Variants in KIAA0825 observed in about 807,000 individuals in gnomAD.
KIAA0825 encodes the protein uncharacterized protein KIAA0825.
KIAA0825 carries 119 observed loss-of-function variants against 147.6 expected under a neutral mutation model. The observed-to-expected ratio is 0.81, with a 90% CI of 0.69 to 0.94. The LOEUF is 0.94. Among genes scored for constraint, KIAA0825 ranks in the 40% least tolerant of loss-of-function variants. The pLI is 0.00. For missense variants in KIAA0825, 1,381 were observed against 1,472.7 expected, an observed-to-expected ratio of 0.94 and a Z score of 1.02; for synonymous variants, 470 against 518.1, an observed-to-expected ratio of 0.91 and a Z score of 1.26.
chr5:94,447,071 G>A (rs1224849680), intron 13 of KIAA0825, among the ~76,000 whole-genome samples: 1 of 152,092 alleles, frequency 6.6e-6, no homozygotes, highest in Non-Finnish European at 1.5e-5. Flanking sequence ...AGCTGAGATA[G>A]GGAATAGTAG....
intron 5 of KIAA0825, among the ~76,000 whole-genome samples, chr5:94,487,270 A>AT (rs562411017): frequency 6.6e-6 from 1 of 152,134 alleles, no homozygotes. Flanking sequence ...AAATCTAATC[A>AT]TTTTTTTGTC....
intron 15 of KIAA0825, among the ~76,000 whole-genome samples, 168 bp from the exon 16 acceptor site, chr5:94,403,961 A>T: frequency 6.7e-6 from 1 of 149,666 alleles, no homozygotes; most frequent in South Asian, 2.2e-4. Context: ...AACATTTTTT[A>T]AAAAGATTCT....
At chr5:94,245,518 C>G (rs1275638842) in intron 20 of KIAA0825, among the ~76,000 whole-genome samples, 2 of 152,140 alleles carry the variant, frequency 1.3e-5, no homozygotes, top group Non-Finnish European at 2.9e-5. Context: ...CTCCTCTTTA[C>G]CCCTTTCTCC....
chr5:94,280,526 A>G (rs1777410468), intron 20 of KIAA0825, among the ~76,000 whole-genome samples: 1 of 152,024 alleles, frequency 6.6e-6, no homozygotes, highest in Non-Finnish European at 1.5e-5. Flanking sequence ...TGTTATATTC[A>G]TTGTTACAGC....
intron 2 of KIAA0825, among the ~76,000 whole-genome samples, chr5:94,578,035 T>C (rs536636269): frequency 6.6e-6 from 1 of 152,250 alleles, no homozygotes; most frequent in Non-Finnish European, 1.5e-5. Context: ...AGGAAGACAG[T>C]TTTCAGAAAA....
At chr5:94,589,807 A>T (rs1277139132) in intron 1 of KIAA0825, among the ~76,000 whole-genome samples, 4 of 150,696 alleles carry the variant, frequency 2.7e-5, no homozygotes, top group African/African-American at 9.8e-5. Context: ...TTATTTCTTT[A>T]TTTCCAAAAT....
At chr5:94,232,434 T>C (rs1774767714) in intron 20 of KIAA0825, among the ~76,000 whole-genome samples, 2 of 152,266 alleles carry the variant, frequency 1.3e-5, no homozygotes, top group South Asian at 4.1e-4. Flanking sequence ...TGGAGAATTC[T>C]TGTGGAACTT....
chr5:94,460,517 G>C (rs1170443065), intron 12 of KIAA0825, among the ~76,000 whole-genome samples: 24 of 152,086 alleles, frequency 1.6e-4, no homozygotes, highest in Non-Finnish European at 5.9e-5. Flanking sequence ...ATATCACATA[G>C]AGTGACAAAT....
At chr5:94,233,491 A>C (rs1472221117) in intron 20 of KIAA0825, among the ~76,000 whole-genome samples, 2 of 152,310 alleles carry the variant, frequency 1.3e-5, no homozygotes, top group Non-Finnish European at 2.9e-5. Context: ...AAGGATCCTT[A>C]ATTTTTATGA....
At chr5:94,337,083 T>C (rs896096983) in intron 20 of KIAA0825, among the ~76,000 whole-genome samples, 1 of 152,194 alleles carries the variant, frequency 6.6e-6, no homozygotes, top group South Asian at 2.1e-4. Flanking sequence ...TCTTTATATA[T>C]GAAATGTCCA....
At chr5:94,607,300 T>C (rs1236031720) in intron 1 of KIAA0825, among the ~76,000 whole-genome samples, 1 of 152,108 alleles carries the variant, frequency 6.6e-6, no homozygotes, top group Admixed American at 6.6e-5. Flanking sequence ...ATATTGACAT[T>C]TGCACTAAAA....
chr5:94,447,262 C>T (rs1220942609), intron 13 of KIAA0825, among the ~76,000 whole-genome samples: 3 of 151,564 alleles, frequency 2.0e-5, no homozygotes, highest in Non-Finnish European at 4.4e-5. Context: ...TGGGGGGGCA[C>T]ACAAAGAGTA....
intron 2 of KIAA0825, among the ~76,000 whole-genome samples, chr5:94,565,094 C>CTTTTTTTTTTTTTTTTTTTT (rs1285299381): frequency 1.2e-4 from 6 of 51,904 alleles, no homozygotes; most frequent in Non-Finnish European, 2.0e-4. Flanking sequence ...TTCTTGCTTT[C>CTTTTTTTTTTTTTTTTTTTT]CTTTTTTTTT....
intron 15 of KIAA0825, chr5:94,413,978 T>G (rs1584421744): frequency 6.6e-6 from 1 of 152,160 alleles, no homozygotes; most frequent in Non-Finnish European, 1.5e-5. Context: ...CTGTGTCTGA[T>G]AGGAAGGTAA....
chr5:94,444,234 C>G (rs1355310525), intron 13 of KIAA0825, among the ~76,000 whole-genome samples: 2 of 152,030 alleles, frequency 1.3e-5, no homozygotes, highest in Non-Finnish European at 2.9e-5. Flanking sequence ...GTATACACAC[C>G]TCTACCAGGG....
chr5:94,264,624 T>C (rs1228373458), intron 20 of KIAA0825, among the ~76,000 whole-genome samples: 2 of 152,194 alleles, frequency 1.3e-5, no homozygotes, highest in Non-Finnish European at 2.9e-5. Flanking sequence ...ACTATTTCCC[T>C]TACTTGGAAA....
rs776118780 is a variant in KIAA0825, at chr5:94,403,579, T to G, written c.2877A>C (p.Glu959Asp). The G allele has an allele frequency of 6.4e-7, 1 of 1,551,120 alleles. No individual in the cohort carries two copies. Among genetic ancestry groups the G allele is most frequent in the Non-Finnish European group, 8.7e-7 (1 of 1,146,696 alleles). Residue 959 changes from glutamate (E) to aspartate (D), a missense_variant, in exon 16 of 21, where the codon GAA (glutamate) becomes GAC (aspartate). Coordinates refer to ENST00000682413, the MANE Select transcript of KIAA0825 (RefSeq NM_001145678.3). ...AACAAGTGTACTTACTTTTGCATGA[T>G]TCTTTCCTGTTAGTTTCTTTTGGAC... is the stretch of plus-strand genomic sequence containing the variant. The part of the protein sequence containing the change: ...NYSPKETNRK[E>D]SCKSFTRLTA...
At chr5:94,468,709 A>G (rs1187436038) in intron 10 of KIAA0825, among the ~76,000 whole-genome samples, 1 of 151,804 alleles carries the variant, frequency 6.6e-6, no homozygotes, top group Admixed American at 6.6e-5. Flanking sequence ...ATTTATTATG[A>G]TAATAACTCG....
chr5:94,338,394 G>A (rs1214855901), intron 20 of KIAA0825, among the ~76,000 whole-genome samples: 1 of 150,892 alleles, frequency 6.6e-6, no homozygotes, highest in African/African-American at 2.4e-5. Flanking sequence ...AGGATAAAAT[G>A]CCAGGCTCTG....
Sources: gnomAD v4.1 joint callset for allele counts (sites outside exome capture counted in the v4.1 genomes callset) on GRCh38, gnomAD v4.1.1 for gene constraint, MANE v1.5 for transcripts, NCBI Gene and HGNC (gene_info 2026-07-23, HGNC 2026-07-21) for gene names.